Variants in COL11A1 observed in about 807,000 individuals in gnomAD.
COL11A1 encodes collagen type XI alpha 1 chain, also known as collagen alpha-1(XI) chain.
COL11A1 carries 74 observed loss-of-function variants against 265.2 expected under a neutral mutation model. The observed-to-expected ratio is 0.28, with a 90% CI of 0.23 to 0.34. The LOEUF is 0.34. COL11A1 is among the 10% of genes least tolerant of loss of function. The pLI, the probability that COL11A1 is intolerant of heterozygous loss-of-function variation, is 1.00. For missense variants in COL11A1, 2,165 were observed against 2,263.6 expected (o/e 0.96, Z 0.88); for synonymous variants, 816 against 727.6 (o/e 1.12, Z -1.96).
Position 102,879,727 on chromosome 1 carries a change from A to G in COL11A1, c.5230T>C (p.Tyr1744His). 2 of 1,613,952 alleles carry G rather than the reference A, an allele frequency of 1.2e-6. No individual in the cohort carries two copies. Among genetic ancestry groups the G allele is most frequent in the East Asian group, 2.2e-5 (1 of 44,862 alleles). ...FLGSNDEEMSYDNNPFIKTLY... is the reference protein window; with the variant it reads ...FLGSNDEEMSHDNNPFIKTLY... ...GTTTTGATAAAAGGATTATTGTCAT[A>G]GGACATCTCCTCATCATTTGATCCC... Residue 1744 changes from tyrosine (Y) to histidine (H), a missense_variant, in exon 66 of 67, where the codon TAT becomes CAT. Tyr to His is a moderately conservative substitution (Grantham distance 83). Transcript: ENST00000370096.
chr1:102,987,870 C>T (rs1663736950), intron 29 of COL11A1, 130 bp from the exon 30 acceptor site: 2 of 719,950 alleles, frequency 2.8e-6, no homozygotes, highest in Admixed American at 4.0e-5. Context: ...TTCAAACTGC[C>T]CTTGATCGTT....
intron 57 of COL11A1, among the ~76,000 whole-genome samples, chr1:102,897,210 A>G (rs940968156): frequency 6.6e-6 from 1 of 152,012 alleles, no homozygotes; most frequent in African/African-American, 2.4e-5. Context: ...TTCCTGAATG[A>G]ACTGTGAATC....
rs886044981 is a variant in COL11A1, at chr1:103,108,372, CCTCT to C, written c.-198_-195del. 168 of 639,572 alleles carry C rather than the reference CCTCT, an allele frequency of 2.6e-4. 2 individuals carry two copies. Among genetic ancestry groups the C allele is most frequent in the Admixed American group, 7.6e-4 (33 of 43,546 alleles). 39.6% of individuals were successfully genotyped at this position (639,572 alleles called of 1,614,324 possible). A position where few individuals can be genotyped will look rare whatever the true frequency, so the allele number is the denominator to read the frequency against. On this transcript the variant is annotated 5_prime_UTR_variant, in exon 1 of 67. Coordinates refer to ENST00000370096, the MANE Select transcript of COL11A1 (RefSeq NM_001854.4). Reference sequence around the variant, plus strand: ...TTCGTGTCTCTAGCCCTTTCCTCTCCCTCTGAGTTGGCCCCACCGGCCGGGACCC... The same window carrying C: ...TTCGTGTCTCTAGCCCTTTCCTCTCCGAGTTGGCCCCACCGGCCGGGACCC...
intron 48 of COL11A1, among the ~76,000 whole-genome samples, chr1:102,921,053 T>C (rs1655936456): frequency 1.3e-5 from 2 of 152,180 alleles, no homozygotes; most frequent in South Asian, 4.1e-4. Context: ...GAATATCATC[T>C]TTATACAATT....
chr1:102,912,358 A>G, intron 53 of COL11A1, 146 bp from the exon 54 acceptor site: 1 of 634,512 alleles, frequency 1.6e-6, no homozygotes, highest in Non-Finnish European at 2.8e-6. Context: ...TATTTCAGAT[A>G]CCTAAACTTC....
At chr1:102,886,298 C>T (rs2783567) in intron 63 of COL11A1, among the ~76,000 whole-genome samples, 2 of 151,910 alleles carry the variant, frequency 1.3e-5, no homozygotes, top group Non-Finnish European at 2.9e-5. Context: ...ATATCTGTGG[C>T]TCAATTAAAG....
At chr1:102,945,054 A>T (rs1200217455) in intron 42 of COL11A1, among the ~76,000 whole-genome samples, 1 of 149,958 alleles carries the variant, frequency 6.7e-6, no homozygotes, top group Admixed American at 6.7e-5. Flanking sequence ...TACAGAAAAC[A>T]TTTTTTTTTT....
intron 4 of COL11A1, among the ~76,000 whole-genome samples, chr1:103,046,991 T>C (rs1445951690): frequency 3.3e-5 from 5 of 152,134 alleles, no homozygotes; most frequent in East Asian, 1.9e-4. Context: ...AAGTACCATG[T>C]TGTTTTGGTT....
intron 12 of COL11A1, 121 bp from the exon 13 acceptor site, chr1:103,014,715 T>C: frequency 1.3e-6 from 1 of 784,572 alleles, no homozygotes; most frequent in East Asian, 2.7e-5. Context: ...AATTACAAAG[T>C]AACTCCGTAA....
chr1:102,882,573 C>T (rs1397907981), intron 64 of COL11A1, among the ~76,000 whole-genome samples: 2 of 152,076 alleles, frequency 1.3e-5, no homozygotes, highest in African/African-American at 4.8e-5. Context: ...ATTGTCCACA[C>T]CATTTACTAG....
intron 12 of COL11A1, among the ~76,000 whole-genome samples, chr1:103,014,986 C>T (rs1320514327): frequency 6.6e-6 from 1 of 151,868 alleles, no homozygotes; most frequent in East Asian, 1.9e-4. Context: ...TTTTGTTTGT[C>T]AAAATTTTTG....
chr1:102,992,572 G>C (rs146777652), intron 28 of COL11A1, among the ~76,000 whole-genome samples: 410 of 151,354 alleles, frequency 2.7e-3, no homozygotes, highest in Non-Finnish European at 4.6e-3. Context: ...AAGTCATCAG[G>C]GCTTAATCCT....
intron 14 of COL11A1, among the ~76,000 whole-genome samples, chr1:103,010,341 T>C (rs1666000288): frequency 6.6e-6 from 1 of 152,192 alleles, no homozygotes. Flanking sequence ...AATTTGCATG[T>C]TTTGAAATGG....
intron 4 of COL11A1, among the ~76,000 whole-genome samples, chr1:103,060,164 TA>T (rs1325660887): frequency 2.0e-5 from 3 of 152,092 alleles, no homozygotes; most frequent in Non-Finnish European, 4.4e-5. Flanking sequence ...ACATCTGACT[TA>T]TCAGAAATCA....
chr1:102,879,611 T>A (rs1649973735), intron 66 of COL11A1, 72 bp downstream of exon 66: 1 of 1,378,834 alleles, frequency 7.3e-7, no homozygotes, highest in African/African-American at 1.4e-5. Context: ...AAAATCTGGC[T>A]AAGGACCGAC....
chr1:103,105,108 G>C (rs547048830), intron 1 of COL11A1, among the ~76,000 whole-genome samples: 3 of 151,208 alleles, frequency 2.0e-5, no homozygotes, highest in Non-Finnish European at 2.9e-5. Context: ...CTTCATTATA[G>C]CTAAGTCTAA....
At chr1:102,882,415 A>C (rs558750404) in intron 64 of COL11A1, among the ~76,000 whole-genome samples, 1 of 152,146 alleles carries the variant, frequency 6.6e-6, no homozygotes, top group East Asian at 1.9e-4. Flanking sequence ...ACTGTGCTTC[A>C]TTACATGCCA....
At chr1:103,071,012 T>C (rs1242836203) in intron 4 of COL11A1, among the ~76,000 whole-genome samples, 1 of 151,974 alleles carries the variant, frequency 6.6e-6, no homozygotes, top group Non-Finnish European at 1.5e-5. Context: ...TGTACAGTTA[T>C]CAAATAGCAT....
At chr1:102,974,197 CA>C (rs1339155079) in intron 36 of COL11A1, among the ~76,000 whole-genome samples, 1 of 127,888 alleles carries the variant, frequency 7.8e-6, no homozygotes, top group Non-Finnish European at 1.7e-5. Flanking sequence ...CAAACAAAAA[CA>C]AAAAAGACCC....
Sources: allele counts gnomAD v4.1 joint callset (sites outside exome capture counted in the v4.1 genomes callset), GRCh38; gene constraint gnomAD v4.1.1; transcripts MANE v1.5; gene names NCBI Gene and HGNC (gene_info 2026-07-23, HGNC 2026-07-21).